The following CDH26 variants were observed in gnomAD, a reference collection of about 807,000 sequenced individuals.
CDH26 encodes the protein cadherin 26, also known as cadherin-like protein 26.
Under a neutral mutation model 90.3 loss-of-function variants are expected in CDH26, and 83 were observed. The observed-to-expected ratio is 0.92, with a 90% CI of 0.77 to 1.10. CDH26 has a LOEUF of 1.10. Among genes scored for constraint, CDH26 ranks in the 50% least tolerant of loss-of-function variants. The pLI is 0.00. For missense variants in CDH26, 1,013 were observed against 1,037.6 expected (o/e 0.98, Z 0.33); for synonymous variants, 397 against 396.3 (o/e 1.00, Z -0.02).
chr20:60,004,399 T>TA (rs1262320504), intron 16 of CDH26, among the ~76,000 whole-genome samples: 2 of 152,156 alleles, frequency 1.3e-5, no homozygotes, highest in Admixed American at 6.5e-5. Context: ...CTGTTGCTTC[T>TA]AGGCTACAAA....
chr20:60,006,701 G>C lies in CDH26; in HGVS notation c.2221-12G>C, dbSNP rs1320495057. 1.2e-6 allele frequency: 2 copies of C among 1,611,164 alleles called. No homozygotes were observed. Among genetic ancestry groups the C allele is most frequent in the Non-Finnish European group, 1.7e-6 (2 of 1,177,484 alleles). The stretch of plus-strand genomic sequence containing the variant: ...TCTGCTGTGGTATGAAGCTCTACTG[G>C]TTTGCTTGCAGGCTTACCCAGATGC... On this transcript the variant is annotated splice_polypyrimidine_tract_variant and intron_variant, in intron 16 of 17. Coordinates refer to ENST00000348616, the MANE Select transcript of CDH26 (RefSeq NM_177980.4).
chr20:60,006,054 T>G (rs1214720366), intron 16 of CDH26, among the ~76,000 whole-genome samples: 1 of 152,224 alleles, frequency 6.6e-6, no homozygotes, highest in Admixed American at 6.5e-5. Context: ...GATCCCCTCT[T>G]AAACCTTCCC....
intron 1 of CDH26, 50 bp downstream of exon 1, chr20:59,958,845 A>G: frequency 6.4e-7 from 1 of 1,573,434 alleles, no homozygotes; most frequent in Non-Finnish European, 8.7e-7. Flanking sequence ...CTGAAAGCAA[A>G]GCACAAGCTG....
intron 5 of CDH26, 120 bp downstream of exon 5, chr20:59,983,190 C>T (rs770728610): frequency 7.0e-5 from 83 of 1,184,400 alleles, no homozygotes; most frequent in Non-Finnish European, 9.3e-5. Context: ...GTTCACATCT[C>T]AAAGATCGCA....
At chr20:60,022,636 T>A (rs975860013) in intron 7 of CDH26, among the ~76,000 whole-genome samples, 10 of 152,220 alleles carry the variant, frequency 6.6e-5, no homozygotes, top group African/African-American at 2.4e-4. Flanking sequence ...ATCAAGACAG[T>A]GCCAAATAGA....
intron 5 of CDH26, among the ~76,000 whole-genome samples, chr20:59,983,433 T>C (rs961620354): frequency 6.6e-6 from 1 of 152,226 alleles, no homozygotes; most frequent in Admixed American, 6.5e-5. Flanking sequence ...GAGTTACAGA[T>C]ACTGTGCATT....
chr20:59,985,457 G>T (rs1197637545), intron 7 of CDH26, among the ~76,000 whole-genome samples: 1 of 152,030 alleles, frequency 6.6e-6, no homozygotes, highest in East Asian at 1.9e-4. Context: ...AATGAGGAAC[G>T]AGAGAGGTAA....
chr20:59,973,106 G>A (rs1000284744), intron 4 of CDH26, among the ~76,000 whole-genome samples: 2 of 152,170 alleles, frequency 1.3e-5, no homozygotes, highest in Non-Finnish European at 2.9e-5. Flanking sequence ...TAGTCATAAG[G>A]AGACCCTGAG....
chr20:59,984,526 A>G, intron 5 of CDH26, 113 bp from the exon 6 acceptor site: 1 of 717,230 alleles, frequency 1.4e-6, no homozygotes, highest in South Asian at 1.9e-5. Flanking sequence ...ATATTTAAAC[A>G]TTCCACTCAT....
chr20:59,977,128 C>A (rs916709952), intron 4 of CDH26, among the ~76,000 whole-genome samples: 20 of 152,170 alleles, frequency 1.3e-4, no homozygotes, highest in African/African-American at 4.8e-4. Flanking sequence ...TCCTCCAGGG[C>A]TTCCGCGGGG....
At position 59,992,499 on chromosome 20, in the gene CDH26, A is replaced by G. The variant is rs1293509180; in HGVS notation, c.1405A>G (p.Ile469Val). Residue 469 changes from isoleucine (I) to valine (V), a missense_variant, in exon 10 of 18, where the codon ATC becomes GTC. Transcript: ENST00000348616. The surrounding 1 kb of genome is among the most constrained non-coding windows in gnomAD (Gnocchi z 5.0). ...PHVNNSFYVI[I>V]IHAVDDGFPP... is the part of the protein sequence containing the mutation. ...TGTAAATAACAGTTTTTATGTAATC[A>G]TCATTCACGCTGTTGATGATGGTGA... 2 of 1,614,216 alleles carry G rather than the reference A, an allele frequency of 1.2e-6. No homozygotes were observed. The highest frequency in any genetic ancestry group is 1.7e-5 in the Admixed American group (1 of 60,026).
At chr20:60,018,702 C>CTTTTTTTTTTTTTTTTTTTTTTTT (rs55994712), downstream of CDH26, among the ~76,000 whole-genome samples, 12 of 17,814 alleles carry the variant, frequency 6.7e-4, 1 homozygote, top group Admixed American at 8.2e-4. Context: ...CTCTTACTGC[C>CTTTTTTTTTTTTTTTTTTTTTTTT]TTTTTTTTTT....
At chr20:59,983,934 G>A (rs544197860) in intron 5 of CDH26, among the ~76,000 whole-genome samples, 1 of 152,178 alleles carries the variant, frequency 6.6e-6, no homozygotes, top group South Asian at 2.1e-4. Context: ...GTATTTGACC[G>A]ATCTCCTATG....
intron 4 of CDH26, among the ~76,000 whole-genome samples, chr20:59,981,248 A>T (rs1483830451): frequency 6.6e-6 from 1 of 152,166 alleles, no homozygotes; most frequent in Non-Finnish European, 1.5e-5. Context: ...TTTTCAGATC[A>T]GCTTGTTGAT....
chr20:59,974,166 A>C (rs2145976982), intron 4 of CDH26, among the ~76,000 whole-genome samples: 1 of 152,192 alleles, frequency 6.6e-6, no homozygotes, highest in East Asian at 1.9e-4. Context: ...GCTTTTTTTC[A>C]TATGCTTACT....
At chr20:59,977,854 G>C (rs2061345338) in intron 4 of CDH26, among the ~76,000 whole-genome samples, 1 of 152,126 alleles carries the variant, frequency 6.6e-6, no homozygotes, top group East Asian at 1.9e-4. Context: ...CGACAAATGT[G>C]TCCACCATGA....
intron 5 of CDH26, among the ~76,000 whole-genome samples, chr20:59,984,224 CT>C (rs2061426787): frequency 6.6e-6 from 1 of 152,144 alleles, no homozygotes. Flanking sequence ...CTATCAGTTG[CT>C]TTTTCCTTTC....
chr20:59,975,028 C>T (rs2061311528), intron 4 of CDH26, among the ~76,000 whole-genome samples: 1 of 152,046 alleles, frequency 6.6e-6, no homozygotes. Flanking sequence ...TAGGTTCTCC[C>T]TTAATCATGT....
intron 17 of CDH26, 81 bp from the exon 18 acceptor site, chr20:60,012,446 T>C: frequency 7.4e-7 from 1 of 1,346,552 alleles, no homozygotes; most frequent in East Asian, 2.3e-5. Context: ...CATTGATGTG[T>C]TCCTCGAATC....
Sources: gnomAD v4.1 joint callset for allele counts (sites outside exome capture counted in the v4.1 genomes callset) on GRCh38, gnomAD v4.1.1 for gene constraint, Gnocchi (gnomAD v3.1) non-coding constraint, MANE v1.5 for transcripts, NCBI Gene and HGNC (gene_info 2026-07-23, HGNC 2026-07-21) for gene names.